The following OR9Q1 variants were observed in gnomAD, a reference collection of about 807,000 sequenced individuals.
The protein encoded by OR9Q1 is olfactory receptor family 9 subfamily Q member 1, also known as olfactory receptor 9Q1.
For missense variants in OR9Q1, 374 were observed against 378.8 expected (o/e 0.99, Z 0.11); for synonymous variants, 153 against 148.6 (o/e 1.03, Z -0.22).
At chr11:58,038,561 C>A (rs1314777265) in intron 1 of OR9Q1, among the ~76,000 whole-genome samples, 1 of 152,116 alleles carries the variant, frequency 6.6e-6, no homozygotes, top group Non-Finnish European at 1.5e-5. Flanking sequence ...TTACTCTGAC[C>A]ATTCTGGGTA....
chr11:58,167,338 A>G (rs1854515146), intron 2 of OR9Q1, among the ~76,000 whole-genome samples: 1 of 152,138 alleles, frequency 6.6e-6, no homozygotes, highest in African/African-American at 2.4e-5. Flanking sequence ...CTAAAGTATT[A>G]TTTAACTCAA....
chr11:58,160,186 T>C (rs1854444519), intron 2 of OR9Q1, among the ~76,000 whole-genome samples: 1 of 152,188 alleles, frequency 6.6e-6, no homozygotes, highest in Non-Finnish European at 1.5e-5. Context: ...TTTAGACATG[T>C]GATTAAATGA....
At chr11:58,027,199 G>T (rs1386116968) in intron 1 of OR9Q1, among the ~76,000 whole-genome samples, 4 of 152,308 alleles carry the variant, frequency 2.6e-5, no homozygotes, top group African/African-American at 9.6e-5. Flanking sequence ...GGTATCAGTT[G>T]TCCCCCGTCT....
At chr11:58,164,732 G>A (rs886997521) in intron 2 of OR9Q1, among the ~76,000 whole-genome samples, 1 of 151,992 alleles carries the variant, frequency 6.6e-6, no homozygotes, top group African/African-American at 2.4e-5. Flanking sequence ...CTTAATTAAT[G>A]AGCAAAAAAT....
At chr11:58,104,222 A>G (rs1590591882) in intron 2 of OR9Q1, among the ~76,000 whole-genome samples, 2 of 152,142 alleles carry the variant, frequency 1.3e-5, no homozygotes, top group African/African-American at 4.8e-5. Flanking sequence ...TGAAGCTTGT[A>G]TTTTGTACAA....
At chr11:58,031,149 C>A (rs1853029489) in intron 1 of OR9Q1, 1 of 1,614,186 alleles carries the variant, frequency 6.2e-7, no homozygotes, top group Middle Eastern at 1.6e-4. Flanking sequence ...TTCTTCCTGA[C>A]ACACTTGTCC....
intron 2 of OR9Q1, among the ~76,000 whole-genome samples, chr11:58,107,581 C>T (rs10750885): frequency 0.55 from 83,680 of 151,934 alleles, 24,205 homozygotes; most frequent in South Asian, 0.74. Context: ...TACGTGTGCA[C>T]GTGTCTTTAT....
At chr11:58,130,055 G>C (rs959333574) in intron 2 of OR9Q1, among the ~76,000 whole-genome samples, 1 of 152,064 alleles carries the variant, frequency 6.6e-6, no homozygotes, top group Non-Finnish European at 1.5e-5. Flanking sequence ...GCATGCATTA[G>C]GTATTTGTCC....
intron 2 of OR9Q1, among the ~76,000 whole-genome samples, chr11:58,120,929 A>G (rs1294278775): frequency 6.6e-5 from 10 of 151,296 alleles, no homozygotes; most frequent in African/African-American, 2.2e-4. Context: ...CCACCCCCTT[A>G]ACAAAAAAAT....
intron 1 of OR9Q1, among the ~76,000 whole-genome samples, chr11:58,050,783 G>A (rs1404612255): frequency 5.1e-4 from 42 of 81,816 alleles, no homozygotes; most frequent in African/African-American, 1.6e-3. Context: ...CAAAAAGTGG[G>A]TGAAGGACAT....
intron 2 of OR9Q1, among the ~76,000 whole-genome samples, chr11:58,087,171 TA>T (rs1216130534): frequency 6.6e-6 from 1 of 151,544 alleles, no homozygotes; most frequent in Non-Finnish European, 1.5e-5. Context: ...ACAAGAAAAA[TA>T]AAAAATGTCA....
intron 1 of OR9Q1, among the ~76,000 whole-genome samples, chr11:58,036,318 C>G (rs1853100442): frequency 6.6e-6 from 1 of 152,184 alleles, no homozygotes; most frequent in African/African-American, 2.4e-5. Flanking sequence ...AAGAATAGTT[C>G]TTCCAAAATA....
chr11:58,069,734 A>C (rs1262378164), intron 2 of OR9Q1, among the ~76,000 whole-genome samples: 1 of 151,818 alleles, frequency 6.6e-6, no homozygotes, highest in Non-Finnish European at 1.5e-5. Context: ...ATTAGGGTGC[A>C]GTGGTACATG....
chr11:58,067,652 A>G (rs1204980407), intron 2 of OR9Q1, among the ~76,000 whole-genome samples: 1 of 152,200 alleles, frequency 6.6e-6, no homozygotes, highest in African/African-American at 2.4e-5. Context: ...GGTACAGTGT[A>G]CAAAGCCTCC....
intron 2 of OR9Q1, among the ~76,000 whole-genome samples, chr11:58,093,118 A>G (rs1028461245): frequency 3.9e-5 from 6 of 152,226 alleles, no homozygotes; most frequent in Admixed American, 2.6e-4. Context: ...AGACAATCAT[A>G]ACTTGTTTAG....
intron 2 of OR9Q1, among the ~76,000 whole-genome samples, chr11:58,164,255 T>G (rs1348088129): frequency 6.6e-6 from 1 of 152,028 alleles, no homozygotes; most frequent in Non-Finnish European, 1.5e-5. Flanking sequence ...GTGGCCAAAT[T>G]ATGATTATTT....
intron 2 of OR9Q1, among the ~76,000 whole-genome samples, chr11:58,161,487 T>C (rs562771121): frequency 6.6e-6 from 1 of 152,130 alleles, no homozygotes; most frequent in Non-Finnish European, 1.5e-5. Flanking sequence ...TGGCTTGGCT[T>C]CTGGATACAC....
intron 2 of OR9Q1, among the ~76,000 whole-genome samples, chr11:58,088,518 C>G (rs537862076): frequency 6.6e-6 from 1 of 151,916 alleles, no homozygotes; most frequent in East Asian, 1.9e-4. Flanking sequence ...GCCATTCTAA[C>G]TGGAATGAGA....
intron 1 of OR9Q1, among the ~76,000 whole-genome samples, chr11:58,029,272 G>A (rs769244244): frequency 2.0e-5 from 3 of 152,196 alleles, no homozygotes. Flanking sequence ...AGCTTGGCCA[G>A]GCTGAGGCCT....
Sources: allele counts gnomAD v4.1 joint callset (sites outside exome capture counted in the v4.1 genomes callset), GRCh38; gene constraint gnomAD v4.1.1; transcripts MANE v1.5; gene names NCBI Gene and HGNC (gene_info 2026-07-23, HGNC 2026-07-21).